PHF20L1: variants seen among roughly 807,000 people sequenced by gnomAD.
PHF20L1 encodes PHD finger protein 20 like 1.
Under a neutral mutation model 125.5 loss-of-function variants are expected in PHF20L1, and 44 were observed. That is an observed-to-expected ratio of 0.35 (90% CI 0.28 to 0.45). The LOEUF (loss-of-function observed/expected upper bound fraction) is 0.45, where lower values mean the gene tolerates loss of function less well. PHF20L1 is among the 20% of genes least tolerant of loss of function. The pLI is 1.00. For missense variants in PHF20L1, 1,012 were observed against 1,217.2 expected (o/e 0.83, Z 2.51); for synonymous variants, 380 against 403.1 (o/e 0.94, Z 0.69).
Position 132,775,425 on chromosome 8 carries a change from G to C in PHF20L1, c.-258G>C, listed in dbSNP as rs1383313314. 2 of 385,868 alleles carry C rather than the reference G, an allele frequency of 5.2e-6. No individual in the cohort carries two copies. Among genetic ancestry groups the C allele is most frequent in the East Asian group, 7.6e-5 (2 of 26,270 alleles). 23.9% of individuals were successfully genotyped at this position (385,868 alleles called of 1,614,324 possible). A position where few individuals can be genotyped will look rare whatever the true frequency, so the allele number is the denominator to read the frequency against. ...CGGCGGAGGCGGCGGCGGCGGCGGC[G>C]ATGGCAGCGGACCCTGAGCGAGCTT... On this transcript the variant is annotated 5_prime_UTR_variant, in exon 1 of 21. Transcript: ENST00000395386.
At chr8:132,812,869 T>G in intron 9 of PHF20L1, 1 of 981,458 alleles carries the variant, frequency 1.0e-6, no homozygotes, top group Non-Finnish European at 1.2e-6. Context: ...AAACTTACTG[T>G]GCTAATGGAC....
intron 2 of PHF20L1, among the ~76,000 whole-genome samples, chr8:132,785,124 C>T (rs1433895499): frequency 1.3e-5 from 2 of 152,070 alleles, no homozygotes; most frequent in Non-Finnish European, 2.9e-5. Flanking sequence ...GAGAAAAGAC[C>T]GTTTTATTTG....
chr8:132,815,699 G>A (rs374289489), intron 10 of PHF20L1: 2 of 151,872 alleles, frequency 1.3e-5, no homozygotes, highest in East Asian at 1.9e-4. Flanking sequence ...TTGGCATTCA[G>A]AAGACTTTTA....
chr8:132,824,230 A>T (rs1225233676), intron 13 of PHF20L1, 170 bp downstream of exon 13: 1 of 434,180 alleles, frequency 2.3e-6, no homozygotes, highest in Non-Finnish European at 4.2e-6. Flanking sequence ...TATTAAACAC[A>T]TATCTTGTTT....
chr8:132,801,022 A>G (rs971307216), intron 6 of PHF20L1, among the ~76,000 whole-genome samples: 3 of 151,602 alleles, frequency 2.0e-5, no homozygotes, highest in African/African-American at 7.3e-5. Context: ...TGAAACTGAC[A>G]TATATTATAG....
chr8:132,817,764 C>T, intron 12 of PHF20L1: 1 of 460,934 alleles, frequency 2.2e-6, no homozygotes, highest in Non-Finnish European at 3.8e-6. Flanking sequence ...GCTGCTTAAC[C>T]TTGTCACTTG....
intron 2 of PHF20L1, among the ~76,000 whole-genome samples, chr8:132,788,239 C>A (rs1314675825): frequency 1.3e-5 from 2 of 151,918 alleles, no homozygotes; most frequent in Non-Finnish European, 2.9e-5. Context: ...GATTCTTTTT[C>A]TTTGTTGAAT....
At chr8:132,775,958 A>C (rs766935115) in intron 1 of PHF20L1, among the ~76,000 whole-genome samples, 39 of 152,022 alleles carry the variant, frequency 2.6e-4, no homozygotes, top group Non-Finnish European at 4.7e-4. Context: ...CCTGGCGGTC[A>C]TTCTCTGACC....
chr8:132,798,514 A>G (rs915624288), intron 4 of PHF20L1, among the ~76,000 whole-genome samples: 17 of 152,152 alleles, frequency 1.1e-4, no homozygotes, highest in Middle Eastern at 6.8e-3. Flanking sequence ...ATAAATTATA[A>G]AATTTCTTAG....
intron 14 of PHF20L1, among the ~76,000 whole-genome samples, 171 bp downstream of exon 14, chr8:132,825,542 G>A (rs1188150881): frequency 6.6e-6 from 1 of 151,904 alleles, no homozygotes; most frequent in African/African-American, 2.4e-5. Flanking sequence ...ATACTACTCT[G>A]TTTCACTCTG....
At chr8:132,804,844 C>T (rs1006150462) in intron 8 of PHF20L1, 104 bp downstream of exon 8, 10 of 946,724 alleles carry the variant, frequency 1.1e-5, no homozygotes, top group African/African-American at 3.3e-5. Flanking sequence ...GTGTCATGGA[C>T]CTGTTAATAA....
chr8:132,846,031 T>G lies in PHF20L1; in HGVS notation c.*108T>G. ...TTAAAAGCTTAGTAATGTCTGGTCATTCACTGATTTGTGATGTCAATAGGA... is the reference window on the plus strand; with the variant it reads ...TTAAAAGCTTAGTAATGTCTGGTCAGTCACTGATTTGTGATGTCAATAGGA... On this transcript the variant is annotated 3_prime_UTR_variant, in exon 21 of 21. Coordinates refer to ENST00000395386, the MANE Select transcript of PHF20L1 (RefSeq NM_016018.5). 4 of 801,446 alleles carry G rather than the reference T, an allele frequency of 5.0e-6. No individual in the cohort carries two copies. The South Asian group carries it at 8.3e-5, about 17-fold the overall frequency. 49.6% of individuals were successfully genotyped at this position (801,446 alleles called of 1,614,324 possible). A position where few individuals can be genotyped will look rare whatever the true frequency, so the allele number is the denominator to read the frequency against.
intron 2 of PHF20L1, among the ~76,000 whole-genome samples, chr8:132,790,770 G>T (rs1427328563): frequency 6.6e-6 from 1 of 152,158 alleles, no homozygotes; most frequent in Non-Finnish European, 1.5e-5. Context: ...TATGCTCTGT[G>T]TATACACTTT....
rs556518766 is a variant in PHF20L1 at position 132,834,621 on chromosome 8, G to A, written c.1910-1919G>A. On this transcript the variant is annotated intron_variant, in intron 15 of 20. Coordinates refer to ENST00000395386, the MANE Select transcript of PHF20L1 (RefSeq NM_016018.5). Reference sequence around the variant, plus strand: ...AGTGCTGGGACTAGAGGTGTGAGCCGCTGTGCCCGGCCCATTTAATACTGT... The same window carrying A: ...AGTGCTGGGACTAGAGGTGTGAGCCACTGTGCCCGGCCCATTTAATACTGT... 1.3e-3 allele frequency among the ~76,000 whole-genome samples: 205 copies of A among 152,038 alleles called. 1 individual carries two copies. Among genetic ancestry groups the A allele is most frequent in the African/African-American group, 4.1e-3 (172 of 41,490 alleles).
At chr8:132,792,726 C>T (rs1831878299) in intron 2 of PHF20L1, among the ~76,000 whole-genome samples, 1 of 152,150 alleles carries the variant, frequency 6.6e-6, no homozygotes. Context: ...TCATTTATCT[C>T]CAGAAGTTCA....
intron 4 of PHF20L1, 89 bp from the exon 5 acceptor site, chr8:132,798,683 A>T (rs1832694479): frequency 1.3e-6 from 1 of 771,020 alleles, no homozygotes; most frequent in Non-Finnish European, 2.1e-6. Flanking sequence ...TAAAGCATTT[A>T]TCTATACAAG....
At position 132,836,569 on chromosome 8, in the gene PHF20L1, T is replaced by A; in HGVS notation, c.1939T>A (p.Ser647Thr). The A allele has an allele frequency of 1.2e-6, 2 of 1,611,464 alleles. No homozygotes were observed. The highest frequency in any genetic ancestry group is 1.7e-6 in the Non-Finnish European group (2 of 1,177,954). Residue 647 changes from serine (S) to threonine (T), a missense_variant, in exon 16 of 21, where the codon TCT (serine) becomes ACT (threonine). Coordinates refer to ENST00000395386, the MANE Select transcript of PHF20L1 (RefSeq NM_016018.5). ...ATCAGATGTAGACTTCCTAGATGAT[T>A]CTTCAACGGAGAGTTTGCTTCTGAG... The part of the protein sequence containing the change: ...NLSDVDFLDD[S>T]STESLLLSGD...
At position 132,842,633 on chromosome 8, in the gene PHF20L1, A is replaced by G; in HGVS notation, c.2506A>G (p.Lys836Glu). ...TCAAGACACAGTTAATCGAGAAGAA[A>G]AGAAATATGTACAGAACCATAAAGA... ...IAQDTVNREE[K>E]KYVQNHKEPP... Residue 836 changes from lysine (K) to glutamate (E), a missense_variant, in exon 19 of 21, where the codon AAG becomes GAG. Lys to Glu is a moderately conservative substitution (Grantham distance 56). This residue lies in a region of PHF20L1 where 277 missense variants were observed against 283.6 expected (regional missense o/e 0.98). Coordinates refer to ENST00000395386, the MANE Select transcript of PHF20L1 (RefSeq NM_016018.5). 1 of 1,613,292 alleles carries G rather than the reference A, an allele frequency of 6.2e-7. No individual in the cohort carries two copies. The highest frequency in any genetic ancestry group is 1.1e-5 in the South Asian group (1 of 91,044).
At chr8:132,799,362 C>A (rs573434794) in intron 6 of PHF20L1, 190 bp downstream of exon 6, 6 of 449,710 alleles carry the variant, frequency 1.3e-5, no homozygotes, top group African/African-American at 1.2e-4. Flanking sequence ...TCAGATAGGG[C>A]TCTCTGAGTC....
Sources: gnomAD v4.1 joint callset for allele counts (sites outside exome capture counted in the v4.1 genomes callset) on GRCh38, gnomAD v4.1.1 for gene constraint, gnomAD v4.1.1 regional missense constraint, MANE v1.5 for transcripts, NCBI Gene and HGNC (gene_info 2026-07-23, HGNC 2026-07-21) for gene names.